XPO4: variants seen among roughly 807,000 people sequenced by gnomAD.
The protein encoded by XPO4 is exportin-4.
XPO4 carries 39 observed loss-of-function variants against 143.0 expected under a neutral mutation model. The ratio of observed to expected loss-of-function variants is 0.27; its 90% CI spans 0.21 to 0.36. The LOEUF (loss-of-function observed/expected upper bound fraction) is 0.36, where lower values mean the gene tolerates loss of function less well. Ranked by LOEUF, XPO4 falls within the 10% of genes least tolerant of loss-of-function variation. XPO4 has a pLI of 1.00. For missense variants in XPO4, 907 were observed against 1,348.0 expected (o/e 0.67, Z 5.12); for synonymous variants, 439 against 474.0 (o/e 0.93, Z 0.96).
chr13:20,826,193 T>C (rs2059782545), intron 7 of XPO4, among the ~76,000 whole-genome samples: 4 of 152,200 alleles, frequency 2.6e-5, no homozygotes, highest in Admixed American at 2.0e-4. Flanking sequence ...GACCGTTTTA[T>C]TGGGGATACA....
At chr13:20,787,991 G>A (rs1031053250) in intron 20 of XPO4, among the ~76,000 whole-genome samples, 8 of 151,998 alleles carry the variant, frequency 5.3e-5, no homozygotes, top group Non-Finnish European at 8.8e-5. Flanking sequence ...AGGACAGGAC[G>A]AGGCAAACTA....
At chr13:20,857,713 C>A in intron 3 of XPO4, 1 of 497,970 alleles carries the variant, frequency 2.0e-6, no homozygotes, top group Non-Finnish European at 2.6e-6. Context: ...GGCAACAGAG[C>A]GAGACTCCAT....
chr13:20,828,244 C>T (rs1462123398), intron 6 of XPO4, among the ~76,000 whole-genome samples: 1 of 151,490 alleles, frequency 6.6e-6, no homozygotes, highest in East Asian at 1.9e-4. Context: ...TGTCTCAAAA[C>T]AAACAAACAA....
intron 6 of XPO4, among the ~76,000 whole-genome samples, chr13:20,833,259 G>C (rs2059874787): frequency 6.6e-6 from 1 of 152,120 alleles, no homozygotes; most frequent in Non-Finnish European, 1.5e-5. Flanking sequence ...CAACAATGCA[G>C]TGAGCAAAAG....
intron 1 of XPO4, among the ~76,000 whole-genome samples, chr13:20,901,731 A>T (rs2060622264): frequency 6.6e-6 from 1 of 152,234 alleles, no homozygotes; most frequent in Non-Finnish European, 1.5e-5. Flanking sequence ...AACCAAAAGG[A>T]AAAAAGTCCA....
chr13:20,789,687 C>T (rs1297942526), intron 19 of XPO4, among the ~76,000 whole-genome samples: 1 of 151,922 alleles, frequency 6.6e-6, no homozygotes, highest in African/African-American at 2.4e-5. Flanking sequence ...GGATTACAAG[C>T]GTGAGCCACT....
chr13:20,840,399 G>C (rs1400534768), intron 6 of XPO4, among the ~76,000 whole-genome samples: 2 of 151,836 alleles, frequency 1.3e-5, no homozygotes, highest in African/African-American at 4.8e-5. Context: ...GTAGAGATAG[G>C]GTTGTGCTAT....
At chr13:20,810,979 G>C (rs2059574714) in intron 9 of XPO4, among the ~76,000 whole-genome samples, 1 of 152,132 alleles carries the variant, frequency 6.6e-6, no homozygotes, top group Non-Finnish European at 1.5e-5. Flanking sequence ...ACACCACCAG[G>C]CTGTTTCACA....
At chr13:20,847,666 T>C (rs553595564) in intron 4 of XPO4, among the ~76,000 whole-genome samples, 15 of 152,272 alleles carry the variant, frequency 9.9e-5, no homozygotes, top group African/African-American at 3.4e-4. Flanking sequence ...GCTAGATATT[T>C]TTCCATATCA....
intron 1 of XPO4, among the ~76,000 whole-genome samples, chr13:20,876,093 C>CAAAAAAAA (rs11301411): frequency 5.8e-4 from 53 of 90,686 alleles, no homozygotes; most frequent in African/African-American, 7.3e-4. Flanking sequence ...CTACTAAATA[C>CAAAAAAAA]AAAAAAAAAA....
chr13:20,862,972 T>C (rs1178320858), intron 2 of XPO4, 114 bp from the exon 3 acceptor site: 12 of 1,509,510 alleles, frequency 7.9e-6, no homozygotes, highest in Non-Finnish European at 1.1e-5. Context: ...TGGTTACCTG[T>C]TCTTTTTTTT....
Position 20,844,974 on chromosome 13 carries a change from C to T in XPO4, c.457-1088G>A, listed in dbSNP as rs529065432. The stretch of plus-strand genomic sequence containing the variant: ...TCACCTGAGGTCAGGAGTTCGAGAC[C>T]AGCCTGGCCAACATGGTGAAACCCT... On this transcript the variant is annotated intron_variant, in intron 4 of 22. Coordinates refer to ENST00000255305, the MANE Select transcript of XPO4 (RefSeq NM_022459.5). Among the ~76,000 whole-genome samples, 7 of 152,320 alleles carry T rather than the reference C, an allele frequency of 4.6e-5. No homozygotes were observed. The East Asian group carries it at 1.4e-3, about 29-fold the overall frequency.
intron 4 of XPO4, chr13:20,849,169 C>T (rs977951906): frequency 1.1e-4 from 106 of 985,256 alleles, no homozygotes; most frequent in Admixed American, 6.1e-4. Flanking sequence ...CTGGCTCTTA[C>T]CCCAGGAGCT....
rs747157618 is a variant in XPO4, at chr13:20,800,939, T to C, written c.1869A>G (p.Arg623=). 1 of 1,613,902 alleles carries C rather than the reference T, an allele frequency of 6.2e-7. No individual in the cohort carries two copies. Among genetic ancestry groups the C allele is most frequent in the Non-Finnish European group, 8.5e-7 (1 of 1,179,972 alleles). The change falls in exon 14 of 23, where the codon AGA becomes AGG. Residue 623 remains arginine, a synonymous_variant. Coordinates refer to ENST00000255305, the MANE Select transcript of XPO4 (RefSeq NM_022459.5). ...GACTTAGTAGATGAGTGAGATCTGC[T>C]CTTATTGCTCGAGATTCAACTTCTG... The part of the protein sequence containing the change: ...RVSEVESRAI[R]ADLTHLLSPQ...
intron 18 of XPO4, among the ~76,000 whole-genome samples, chr13:20,791,389 T>C (rs1364328706): frequency 6.6e-6 from 1 of 152,178 alleles, no homozygotes; most frequent in Non-Finnish European, 1.5e-5. Context: ...AAGGATATAA[T>C]CAGAAATTCA....
Position 20,778,658 on chromosome 13 carries a change from G to GT in XPO4, c.*5063dup, listed in dbSNP as rs1327978483. 6.6e-6 allele frequency: 1 copy of GT among 152,086 alleles called. No homozygotes were observed. The highest frequency in any genetic ancestry group is 1.5e-5 in the Non-Finnish European group (1 of 68,006). 9.4% of individuals were successfully genotyped at this position (152,086 alleles called of 1,614,324 possible). A position where few individuals can be genotyped will look rare whatever the true frequency, so the allele number is the denominator to read the frequency against. ...TTATATTTCTAATACTGGATATTCT[G>GT]TGAGTACCACGGGTTCTCCCAGAAG... On this transcript the variant is annotated 3_prime_UTR_variant, in exon 23 of 23. Transcript: ENST00000255305.
At chr13:20,838,496 G>A (rs1421347741) in intron 6 of XPO4, among the ~76,000 whole-genome samples, 1 of 151,206 alleles carries the variant, frequency 6.6e-6, no homozygotes, top group Non-Finnish European at 1.5e-5. Context: ...TGTGGTCCCA[G>A]CTACTCAGGA....
At chr13:20,874,729 C>G (rs995370275) in intron 1 of XPO4, among the ~76,000 whole-genome samples, 1 of 152,184 alleles carries the variant, frequency 6.6e-6, no homozygotes, top group African/African-American at 2.4e-5. Context: ...TGCGGTGGCT[C>G]ACGCCTGTAA....
Position 20,782,834 on chromosome 13 carries a change from A to T in XPO4, c.*888T>A, listed in dbSNP as rs2059156922. 1 of 152,646 alleles carries T rather than the reference A, an allele frequency of 6.6e-6. No individual in the cohort carries two copies. The highest frequency in any genetic ancestry group is 1.5e-5 in the Non-Finnish European group (1 of 68,040). 9.5% of individuals were successfully genotyped at this position (152,646 alleles called of 1,614,324 possible). A position where few individuals can be genotyped will look rare whatever the true frequency, so the allele number is the denominator to read the frequency against. On this transcript the variant is annotated 3_prime_UTR_variant, in exon 23 of 23. Transcript: ENST00000255305. ...GTATTTTCCTCTTAAAATTAAGGCA[A>T]TGAAATGGCTACAGTTCCTAAGGTT...
Sources: allele counts gnomAD v4.1 joint callset (sites outside exome capture counted in the v4.1 genomes callset), GRCh38; gene constraint gnomAD v4.1.1; transcripts MANE v1.5; gene names NCBI Gene and HGNC (gene_info 2026-07-23, HGNC 2026-07-21).